Variants in MAP3K4 observed in about 807,000 individuals in gnomAD.
MAP3K4 encodes the protein MAP three kinase 1.
In MAP3K4, 67 loss-of-function variants were observed where a neutral mutation model predicts 185.6. The ratio of observed to expected loss-of-function variants is 0.36; its 90% CI spans 0.30 to 0.44. MAP3K4 has a LOEUF of 0.44. Ranked by LOEUF, MAP3K4 falls within the 20% of genes least tolerant of loss-of-function variation. The pLI is 1.00. For synonymous variants in MAP3K4, 702 were observed against 710.4 expected (o/e 0.99, Z 0.19); for missense variants, 1,551 against 1,995.1 (o/e 0.78, Z 4.24).
Position 161,108,785 on chromosome 6 carries a change from G to T in MAP3K4, c.4162G>T (p.Ala1388Ser), listed in dbSNP as rs749838685. The change falls in exon 22 of 27, where the codon GCA becomes TCA. Residue 1388 changes from alanine to serine, a missense_variant. By Grantham distance (99) the Ala-to-Ser change is moderately conservative. This residue lies in a region of MAP3K4 where 159 missense variants were observed against 300.5 expected (regional missense o/e 0.53). Transcript: ENST00000392142. The surrounding 1 kb of genome is among the most constrained non-coding windows in gnomAD (Gnocchi z 5.7). Reference sequence around the variant, plus strand: ...TGACCATAAGACTATCAAGGAAACTGCAGACGAATTGAAAATATTCGAAGG... The same window carrying T: ...TGACCATAAGACTATCAAGGAAACTTCAGACGAATTGAAAATATTCGAAGG... ...PNDHKTIKET[A>S]DELKIFEGIK... 3.1e-6 allele frequency: 5 copies of T among 1,614,064 alleles called. No individual in the cohort carries two copies. Among genetic ancestry groups the T allele is most frequent in the Non-Finnish European group, 8.5e-7 (1 of 1,179,984 alleles).
At position 161,051,167 on chromosome 6, in the gene MAP3K4, G is replaced by A. The variant is rs969577643; in HGVS notation, c.1707+1188G>A. Among the ~76,000 whole-genome samples the A allele has an allele frequency of 1.2e-4, 18 of 152,290 alleles. No individual in the cohort carries two copies. The highest frequency in any genetic ancestry group is 3.6e-4 in the African/African-American group (15 of 41,550). ...TCTTCCCAAATATTTCTGATCTGCA[G>A]TTGGTTGAATTCATGGATGTGGAAC... On this transcript the variant is annotated intron_variant, in intron 3 of 26. Transcript: ENST00000392142. This position sits in a 1 kb window ranked among gnomAD's most constrained non-coding sequence, Gnocchi z 4.2.
chr6:161,084,563 G>A lies in MAP3K4; in HGVS notation c.2318G>A (p.Ser773Asn). 6.2e-7 allele frequency: 1 copy of A among 1,613,322 alleles called. No homozygotes were observed. Among genetic ancestry groups the A allele is most frequent in the Non-Finnish European group, 8.5e-7 (1 of 1,179,270 alleles). Residue 773 changes from serine to asparagine, a missense_variant, in exon 7 of 27, where the codon AGC (serine) becomes AAC (asparagine). Transcript: ENST00000392142. The surrounding 1 kb of genome is among the most constrained non-coding windows in gnomAD (Gnocchi z 4.6). Reference sequence around the variant, plus strand: ...TTTTTAGAATTTGGCTTACAGGAGAGCTGTGCTGAATTTTGGACTAGTGCG... The same window carrying A: ...TTTTTAGAATTTGGCTTACAGGAGAACTGTGCTGAATTTTGGACTAGTGCG... ...GSFLEFGLQE[S>N]CAEFWTSADD... is the part of the protein sequence containing the mutation.
Position 161,067,356 on chromosome 6 carries a change from G to C in MAP3K4, c.1708-3252G>C. The C allele has an allele frequency of 2.8e-6, 1 of 360,988 alleles. No individual in the cohort carries two copies. The highest frequency in any genetic ancestry group is 2.1e-5 in the African/African-American group (1 of 47,488). The allele number at this position is 360,988 out of a possible 1,614,324, so 22.4% of individuals were successfully genotyped here. A position where few individuals can be genotyped will look rare whatever the true frequency, so the allele number is the denominator to read the frequency against. On this transcript the variant is annotated intron_variant, in intron 3 of 26. Coordinates refer to ENST00000392142, the MANE Select transcript of MAP3K4 (RefSeq NM_005922.4). The surrounding 1 kb of genome is among the most constrained non-coding windows in gnomAD (Gnocchi z 6.3). Reference sequence around the variant, plus strand: ...TTTCTGATTAGCTTCCTTATGCATCGATCTCAGTGAGCAGAGGGAACAGGA... The same window carrying C: ...TTTCTGATTAGCTTCCTTATGCATCCATCTCAGTGAGCAGAGGGAACAGGA...
chr6:161,034,424 G>A lies in MAP3K4; in HGVS notation c.318G>A (p.Arg106=). 6.2e-7 allele frequency: 1 copy of A among 1,613,046 alleles called. No homozygotes were observed. Among genetic ancestry groups the A allele is most frequent in the Non-Finnish European group, 8.5e-7 (1 of 1,179,718 alleles). ...AACATCAGAGGAATAATGTGGGGAG[G>A]CCAGCCAGTCGGTCTAATTTGAAAG... is the stretch of plus-strand genomic sequence containing the variant. ...STKHQRNNVG[R]PASRSNLKEK... is the part of the protein sequence containing the mutation. Residue 106 remains arginine, a synonymous_variant, in exon 2 of 27, where the codon AGG becomes AGA. Transcript: ENST00000392142. This position sits in a 1 kb window ranked among gnomAD's most constrained non-coding sequence, Gnocchi z 4.4.
chr6:161,022,907 G>A lies in MAP3K4; in HGVS notation c.153-11352G>A, dbSNP rs141766382. On this transcript the variant is annotated intron_variant, in intron 1 of 26. Coordinates refer to ENST00000392142, the MANE Select transcript of MAP3K4 (RefSeq NM_005922.4). The surrounding 1 kb of genome is among the most constrained non-coding windows in gnomAD (Gnocchi z 4.2). The stretch of plus-strand genomic sequence containing the variant: ...GCATGGTAAGTACTCCGTGCCTAAC[G>A]GTAGCAATTATACTGTTACAGTGAA... Among the ~76,000 whole-genome samples, 3 of 152,034 alleles carry A rather than the reference G, an allele frequency of 2.0e-5. No individual in the cohort carries two copies. The highest frequency in any genetic ancestry group is 4.1e-4 in the South Asian group (2 of 4,822).
At chr6:161,004,785 A>G (rs1391203364) in intron 1 of MAP3K4, among the ~76,000 whole-genome samples, 4 of 152,240 alleles carry the variant, frequency 2.6e-5, no homozygotes, top group African/African-American at 9.6e-5. Flanking sequence ...CTTGTTCCTT[A>G]AATAATCAAG....
chr6:160,992,724 T>G (rs1410202085), intron 1 of MAP3K4, among the ~76,000 whole-genome samples: 1 of 152,212 alleles, frequency 6.6e-6, no homozygotes. Context: ...GTCTAAAACT[T>G]TGCTACTGCA....
chr6:161,050,462 T>C (rs1783951426), intron 3 of MAP3K4, among the ~76,000 whole-genome samples: 1 of 152,214 alleles, frequency 6.6e-6, no homozygotes, highest in Admixed American at 6.5e-5. Flanking sequence ...ATGTAAATTA[T>C]AGAGAAATGT....
At position 161,098,449 on chromosome 6, in the gene MAP3K4, C is replaced by T. The variant is rs886118776; in HGVS notation, c.3674+22C>T. The T allele has an allele frequency of 3.7e-6, 6 of 1,602,444 alleles. No individual in the cohort carries two copies. The highest frequency in any genetic ancestry group is 5.1e-6 in the Non-Finnish European group (6 of 1,172,262). On this transcript the variant is annotated intron_variant, in intron 17 of 26. Coordinates refer to ENST00000392142, the MANE Select transcript of MAP3K4 (RefSeq NM_005922.4). The surrounding 1 kb of genome is among the most constrained non-coding windows in gnomAD (Gnocchi z 4.4). Reference sequence around the variant, plus strand: ...CCAGGTAGTCTCACCCCACCAGTGTCCCGTACCCTCACCACCCCTTACATG... The same window carrying T: ...CCAGGTAGTCTCACCCCACCAGTGTTCCGTACCCTCACCACCCCTTACATG...
At chr6:161,001,612 G>A (rs1781325963) in intron 1 of MAP3K4, among the ~76,000 whole-genome samples, 1 of 152,166 alleles carries the variant, frequency 6.6e-6, no homozygotes, top group Admixed American at 6.5e-5. Context: ...TACTTTTATT[G>A]CCTAATTCCT....
At chr6:160,995,192 A>G (rs1244976060) in intron 1 of MAP3K4, among the ~76,000 whole-genome samples, 1 of 152,110 alleles carries the variant, frequency 6.6e-6, no homozygotes, top group East Asian at 1.9e-4. Flanking sequence ...CATTTCCCTG[A>G]TAATTAGTGA....
chr6:161,036,124 CCTG>C (rs1483144620), intron 2 of MAP3K4, among the ~76,000 whole-genome samples: 1 of 152,254 alleles, frequency 6.6e-6, no homozygotes, highest in East Asian at 1.9e-4. Flanking sequence ...GTTCTGTTGT[CCTG>C]CTGGTCTGTG....
Position 161,049,612 on chromosome 6 carries a change from CAGA to C in MAP3K4, c.1343_1345del (p.Glu448del). 1 of 1,614,040 alleles carries C rather than the reference CAGA, an allele frequency of 6.2e-7. No homozygotes were observed. The highest frequency in any genetic ancestry group is 1.1e-5 in the South Asian group (1 of 91,084). On this transcript the variant is annotated inframe_deletion, in exon 3 of 27. Coordinates refer to ENST00000392142, the MANE Select transcript of MAP3K4 (RefSeq NM_005922.4). The surrounding 1 kb of genome is among the most constrained non-coding windows in gnomAD (Gnocchi z 8.4). ...GAGCCGGAGTATGAGGGTGATGACA[CAGA>C]AGGAGAATTAAAGGAGTTGGAAAGT...
In MAP3K4 at chr6:161,091,287, C is replaced by T; in HGVS notation, c.2974-92C>T. The T allele has an allele frequency of 5.9e-6, 6 of 1,023,228 alleles. No individual in the cohort carries two copies. The South Asian group carries it at 1.1e-4, about 18-fold the overall frequency. 63.4% of individuals were successfully genotyped at this position (1,023,228 alleles called of 1,614,324 possible). The stretch of plus-strand genomic sequence containing the variant: ...CTGAATTGTTTGTAGTGGTTAATGT[C>T]TGTGTGATGATGAACGAAATCTTCC... On this transcript the variant is annotated intron_variant, in intron 11 of 26. Transcript: ENST00000392142. This position sits in a 1 kb window ranked among gnomAD's most constrained non-coding sequence, Gnocchi z 5.5.
chr6:161,061,250 A>G lies in MAP3K4; in HGVS notation c.1708-9358A>G, dbSNP rs1471909605. 6.6e-6 allele frequency among the ~76,000 whole-genome samples: 1 copy of G among 152,208 alleles called. No homozygotes were observed. Among genetic ancestry groups the G allele is most frequent in the Non-Finnish European group, 1.5e-5 (1 of 68,034 alleles). ...TATCAGATACTGACTATATTCCAAA[A>G]TAGACAATCATCTCAGTGTGATTAC... On this transcript the variant is annotated intron_variant, in intron 3 of 26. Transcript: ENST00000392142. This position sits in a 1 kb window ranked among gnomAD's most constrained non-coding sequence, Gnocchi z 4.2.
At chr6:161,000,544 AT>A (rs1285710598) in intron 1 of MAP3K4, among the ~76,000 whole-genome samples, 1 of 152,234 alleles carries the variant, frequency 6.6e-6, no homozygotes, top group Non-Finnish European at 1.5e-5. Context: ...AAAATCTAGG[AT>A]TAATTTTAGA....
chr6:161,115,806 C>T lies in MAP3K4; in HGVS notation c.4806+504C>T, dbSNP rs1778566189. Among the ~76,000 whole-genome samples, 1 of 152,122 alleles carries T rather than the reference C, an allele frequency of 6.6e-6. No homozygotes were observed. The highest frequency in any genetic ancestry group is 2.1e-4 in the South Asian group (1 of 4,826). ...CAAAGTAAAGAAACTTGGAAACGCT[C>T]ACCCTTCCGGGAGAGTGGGATGGTC... On this transcript the variant is annotated intron_variant, in intron 26 of 26. Transcript: ENST00000392142. The surrounding 1 kb of genome is among the most constrained non-coding windows in gnomAD (Gnocchi z 6.0).
chr6:161,032,258 G>A (rs1004409060), intron 1 of MAP3K4, among the ~76,000 whole-genome samples: 1 of 152,280 alleles, frequency 6.6e-6, no homozygotes, highest in South Asian at 2.1e-4. Context: ...CCTACACCAT[G>A]CTCAACTCCT....
chr6:161,027,758 C>A (rs2115141094), intron 1 of MAP3K4, among the ~76,000 whole-genome samples: 1 of 152,330 alleles, frequency 6.6e-6, no homozygotes, highest in South Asian at 2.1e-4. Flanking sequence ...TACAGTTTAA[C>A]AAACCATACC....
Sources: allele counts gnomAD v4.1 joint callset (sites outside exome capture counted in the v4.1 genomes callset), GRCh38; gene constraint gnomAD v4.1.1; regional missense constraint gnomAD v4.1.1; non-coding constraint Gnocchi (gnomAD v3.1); transcripts MANE v1.5; gene names NCBI Gene and HGNC (gene_info 2026-07-23, HGNC 2026-07-21).